The following PALD1 variants were observed in gnomAD, a reference collection of about 807,000 sequenced individuals.
PALD1 encodes the protein paladin.
A neutral mutation model predicts 96.0 loss-of-function variants in PALD1; 57 were observed. That is an observed-to-expected ratio of 0.59 (90% CI 0.48 to 0.74). PALD1 has a LOEUF of 0.74. Ranked by LOEUF, PALD1 falls within the 30% of genes least tolerant of loss-of-function variation. The pLI, the probability that PALD1 is intolerant of heterozygous loss-of-function variation, is 0.00. For synonymous variants in PALD1, 464 were observed against 473.6 expected, an observed-to-expected ratio of 0.98 and a Z score of 0.26; for missense variants, 1,063 against 1,143.7, an observed-to-expected ratio of 0.93 and a Z score of 1.02.
intron 1 of PALD1, among the ~76,000 whole-genome samples, chr10:70,509,151 C>T (rs1268487874): frequency 6.6e-6 from 1 of 152,162 alleles, no homozygotes; most frequent in Non-Finnish European, 1.5e-5. Context: ...GGAAGGGGTA[C>T]TCTCCCCCTG....
chr10:70,483,292 A>G (rs765589299), intron 1 of PALD1, among the ~76,000 whole-genome samples: 22 of 152,252 alleles, frequency 1.4e-4, no homozygotes, highest in Non-Finnish European at 3.1e-4. Flanking sequence ...TGTATTTCCC[A>G]TAACTGGCAT....
chr10:70,552,938 G>A (rs969326457), intron 18 of PALD1, among the ~76,000 whole-genome samples: 1 of 152,070 alleles, frequency 6.6e-6, no homozygotes, highest in Non-Finnish European at 1.5e-5. Flanking sequence ...TGTCTTCCTG[G>A]GCTTCCTGGA....
At chr10:70,487,478 T>C (rs1299739770) in intron 1 of PALD1, among the ~76,000 whole-genome samples, 4 of 151,762 alleles carry the variant, frequency 2.6e-5, no homozygotes, top group African/African-American at 9.7e-5. Flanking sequence ...CATTTCCCCC[T>C]GCCTATCTTC....
chr10:70,500,383 A>G (rs1403144054), intron 1 of PALD1, among the ~76,000 whole-genome samples: 1 of 152,094 alleles, frequency 6.6e-6, no homozygotes. Flanking sequence ...CACCCCGCAG[A>G]GCAACACCTA....
Position 70,532,623 on chromosome 10 carries a change from C to T in PALD1, c.636C>T (p.Ile212=), listed in dbSNP as rs747742327. ...CTGACCCCCACACCTCCCTCTAGAT[C>T]CACGACTTTGCCCAGCTGAGCGAGA... The part of the protein sequence containing the change: ...ESLELAIRKE[I]HDFAQLSENT... The change falls in exon 6 of 20, where the codon ATC becomes ATT. Residue 212 remains isoleucine, a splice_region_variant and synonymous_variant. Transcript: ENST00000263563. 9 of 1,613,894 alleles carry T rather than the reference C, an allele frequency of 5.6e-6. No individual in the cohort carries two copies. Among genetic ancestry groups the T allele is most frequent in the Non-Finnish European group, 6.8e-6 (8 of 1,179,862 alleles).
chr10:70,561,005 C>G (rs948089958), intron 18 of PALD1, among the ~76,000 whole-genome samples: 2 of 152,146 alleles, frequency 1.3e-5, no homozygotes, highest in Admixed American at 6.5e-5. Flanking sequence ...AATCACAGAC[C>G]TGTGATCCAG....
chr10:70,495,802 T>C (rs1456480594), intron 1 of PALD1, among the ~76,000 whole-genome samples: 1 of 147,884 alleles, frequency 6.8e-6, no homozygotes, highest in Non-Finnish European at 1.5e-5. Context: ...CCAAGGAGTT[T>C]GAGGGGAGCC....
At chr10:70,467,045 ACGGG>A in the PALD1 span, among the ~76,000 whole-genome samples, 1 of 152,110 alleles carries the variant, frequency 6.6e-6, no homozygotes. Flanking sequence ...ACAACTCCTG[ACGGG>A]CGGGCCTGGG....
At chr10:70,545,901 T>G (rs1847351945) in intron 17 of PALD1, among the ~76,000 whole-genome samples, 1 of 152,160 alleles carries the variant, frequency 6.6e-6, no homozygotes, top group Non-Finnish European at 1.5e-5. Context: ...ATCAAAGTTC[T>G]GCATGAGGCC....
intron 1 of PALD1, among the ~76,000 whole-genome samples, chr10:70,525,295 A>G (rs1416081780): frequency 2.0e-5 from 3 of 152,002 alleles, no homozygotes; most frequent in African/African-American, 7.3e-5. Flanking sequence ...TATAGGCATG[A>G]GCCACTGCAC....
chr10:70,522,168 C>T (rs943470841), intron 1 of PALD1, among the ~76,000 whole-genome samples: 4 of 152,126 alleles, frequency 2.6e-5, no homozygotes, highest in East Asian at 1.9e-4. Context: ...GCTTGTGCCC[C>T]GCATGGTGGA....
chr10:70,532,292 C>T (rs1467016257), intron 5 of PALD1, among the ~76,000 whole-genome samples: 1 of 152,236 alleles, frequency 6.6e-6, no homozygotes, highest in Non-Finnish European at 1.5e-5. Context: ...TTGCCTCTCC[C>T]ATCCCCTCCA....
At chr10:70,464,035 C>G in the PALD1 span, among the ~76,000 whole-genome samples, 2 of 152,104 alleles carry the variant, frequency 1.3e-5, no homozygotes, top group African/African-American at 4.8e-5. Context: ...CCACGTAACC[C>G]CTATCCAGAT....
At chr10:70,550,138 C>T (rs995165038) in intron 18 of PALD1, among the ~76,000 whole-genome samples, 7 of 152,240 alleles carry the variant, frequency 4.6e-5, no homozygotes, top group Non-Finnish European at 5.9e-5. Flanking sequence ...GGGGCTTGCA[C>T]CCCACATGTC....
chr10:70,512,427 A>G (rs1237900116), intron 1 of PALD1, among the ~76,000 whole-genome samples: 1 of 152,242 alleles, frequency 6.6e-6, no homozygotes, highest in Non-Finnish European at 1.5e-5. Context: ...CACATGCTGT[A>G]GGCCAGGAAG....
chr10:70,486,774 A>C (rs1846022283), intron 1 of PALD1, among the ~76,000 whole-genome samples: 1 of 152,034 alleles, frequency 6.6e-6, no homozygotes, highest in Non-Finnish European at 1.5e-5. Flanking sequence ...AAACAAAACA[A>C]AACAAAACAA....
At chr10:70,531,498 A>C in intron 5 of PALD1, 44 bp downstream of exon 5, 2 of 1,558,414 alleles carry the variant, frequency 1.3e-6, no homozygotes, top group Non-Finnish European at 1.7e-6. Flanking sequence ...CCCACAGCCC[A>C]GCTTTGCAGA....
chr10:70,541,096 G>A lies in PALD1; in HGVS notation c.1909-6G>A, dbSNP rs370452911. The A allele has an allele frequency of 1.5e-4, 245 of 1,593,698 alleles. No homozygotes were observed. Among genetic ancestry groups the A allele is most frequent in the African/African-American group, 5.5e-4 (41 of 73,894 alleles). ...CGCTGACCCAGACCTTGCTTTTCTC[G>A]TCCAGGACTTTGACCAGCTGCTGGA... On this transcript the variant is annotated splice_region_variant and splice_polypyrimidine_tract_variant and intron_variant, in intron 15 of 19. Coordinates refer to ENST00000263563, the MANE Select transcript of PALD1 (RefSeq NM_014431.3).
At chr10:70,474,022 C>G (rs554541769), upstream of PALD1, among the ~76,000 whole-genome samples, 159 of 152,266 alleles carry the variant, frequency 1.0e-3, 1 homozygote, top group African/African-American at 3.8e-3. Context: ...GCTTTTCTCT[C>G]CTGATCTGAT....
Sources: allele counts gnomAD v4.1 joint callset (sites outside exome capture counted in the v4.1 genomes callset), GRCh38; gene constraint gnomAD v4.1.1; transcripts MANE v1.5; gene names NCBI Gene and HGNC (gene_info 2026-07-23, HGNC 2026-07-21).